JMJD1C: variants seen among roughly 807,000 people sequenced by gnomAD.
The protein encoded by JMJD1C is jumonji domain containing 1C, also known as jumonji domain-containing protein 1C.
In JMJD1C, 31 loss-of-function variants were observed where a neutral mutation model predicts 245.3. That is an observed-to-expected ratio of 0.13 (90% CI 0.09 to 0.17). JMJD1C has a LOEUF of 0.17. Ranked by LOEUF, JMJD1C falls within the 10% of genes least tolerant of loss-of-function variation. JMJD1C has a pLI of 1.00. For missense variants in JMJD1C, 2,691 were observed against 3,000.2 expected (o/e 0.90, Z 2.41); for synonymous variants, 1,057 against 1,017.4 (o/e 1.04, Z -0.74).
chr10:63,490,420 T>A (rs1564966940), intron 1 of JMJD1C, among the ~76,000 whole-genome samples: 3 of 92,316 alleles, frequency 3.2e-5, no homozygotes, highest in African/African-American at 5.8e-5. Context: ...TTTATTTATT[T>A]TATTTTTTTT....
chr10:63,309,269 G>C (rs1042196946), intron 2 of JMJD1C, among the ~76,000 whole-genome samples: 2 of 151,876 alleles, frequency 1.3e-5, no homozygotes, highest in Non-Finnish European at 2.9e-5. Context: ...AAGGAAGGTG[G>C]ATCACCTGAG....
chr10:63,231,623 G>A (rs566476460), intron 3 of JMJD1C, among the ~76,000 whole-genome samples: 2 of 152,106 alleles, frequency 1.3e-5, no homozygotes, highest in South Asian at 2.1e-4. Context: ...GTGAAACTCC[G>A]TCTCTACTAA....
chr10:63,284,407 C>G (rs1219057335), intron 2 of JMJD1C, among the ~76,000 whole-genome samples: 1 of 152,136 alleles, frequency 6.6e-6, no homozygotes, highest in Non-Finnish European at 1.5e-5. Flanking sequence ...TACTGTCATT[C>G]ATTCTGAAGA....
chr10:63,428,469 A>G (rs1472578069), intron 1 of JMJD1C, among the ~76,000 whole-genome samples: 1 of 152,248 alleles, frequency 6.6e-6, no homozygotes, highest in African/African-American at 2.4e-5. Context: ...AAAGAAATCA[A>G]CTGAATGTTT....
intron 1 of JMJD1C, among the ~76,000 whole-genome samples, chr10:63,514,641 G>T (rs1026821509): frequency 1.3e-5 from 2 of 151,982 alleles, no homozygotes; most frequent in Non-Finnish European, 2.9e-5. Flanking sequence ...AGGGAGGGAG[G>T]GGGTGGAAGG....
At chr10:63,200,380 CT>C in intron 11 of JMJD1C, 95 bp downstream of exon 11, 1 of 848,952 alleles carries the variant, frequency 1.2e-6, no homozygotes, top group Non-Finnish European at 1.9e-6. Context: ...CAAAGACTTA[CT>C]CCCCCATCCA....
Position 63,189,438 on chromosome 10 carries a change from T to C in JMJD1C, c.6300A>G (p.Lys2100=). ...GAATGTTAGGCATAGTCCGTCCACT[T>C]TTGCTACTCTATTAAGGAAAAAACA... ...PVYSMGAPSS[K]SGRTMPNILD... Residue 2100 remains lysine (K), a synonymous_variant, in exon 18 of 26, where the codon AAA becomes AAG. Transcript: ENST00000399262. The C allele has an allele frequency of 6.2e-7, 1 of 1,609,844 alleles. No individual in the cohort carries two copies. Among genetic ancestry groups the C allele is most frequent in the Non-Finnish European group, 8.5e-7 (1 of 1,178,576 alleles).
intron 2 of JMJD1C, among the ~76,000 whole-genome samples, chr10:63,309,874 G>A (rs1029161494): frequency 6.6e-5 from 10 of 151,944 alleles, no homozygotes; most frequent in South Asian, 2.1e-4. Context: ...CCAAGATCGC[G>A]CCATTGCACT....
intron 2 of JMJD1C, among the ~76,000 whole-genome samples, chr10:63,337,219 C>G (rs1360872423): frequency 6.6e-6 from 1 of 151,450 alleles, no homozygotes; most frequent in Admixed American, 6.6e-5. Flanking sequence ...CCGGCACGGG[C>G]ACCACTGAGA....
Position 63,208,065 on chromosome 10 carries a change from C to T in JMJD1C, c.3604G>A (p.Ala1202Thr). The T allele has an allele frequency of 1.2e-6, 2 of 1,614,108 alleles. No individual in the cohort carries two copies. Among genetic ancestry groups the T allele is most frequent in the Non-Finnish European group, 1.7e-6 (2 of 1,179,982 alleles). The change falls in exon 10 of 26, where the codon GCA becomes ACA. Residue 1202 changes from alanine (A) to threonine (T), a missense_variant. By Grantham distance (58) the Ala-to-Thr change is moderately conservative (BLOSUM62 0). Coordinates refer to ENST00000399262, the MANE Select transcript of JMJD1C (RefSeq NM_032776.3). ...TGAAATACTGGTGCTCTATGTAATGCAGGCATACTGCGGAGTGTATTTGTA... is the reference window on the plus strand; with the variant it reads ...TGAAATACTGGTGCTCTATGTAATGTAGGCATACTGCGGAGTGTATTTGTA... ...SSTNTLRSMP[A>T]LHRAPVFHPP...
chr10:63,206,651 A>G lies in JMJD1C; in HGVS notation c.5018T>C (p.Val1673Ala), dbSNP rs574610048. 3.7e-6 allele frequency: 6 copies of G among 1,608,748 alleles called. No individual in the cohort carries two copies. The Admixed American group carries it at 1.0e-4, about 27-fold the overall frequency. The change falls in exon 10 of 26, where the codon GTT (valine) becomes GCT (alanine). Residue 1673 changes from valine to alanine, a missense_variant. By Grantham distance (64) the Val-to-Ala change is moderately conservative. Around this residue, in one of 9 missense-constraint regions of JMJD1C, gnomAD observed 144 missense variants for 143.3 expected, o/e 1.00. Coordinates refer to ENST00000399262, the MANE Select transcript of JMJD1C (RefSeq NM_032776.3). Reference protein sequence around the residue: ...EIEEDLKPNGVLSRSAKERSK... With the variant: ...EIEEDLKPNGALSRSAKERSK... ...TCTTTCTTTGGCACTCCTGCTGAGA[A>G]CTCCATTGGGTTTCAAATCTTCTTC...
chr10:63,443,364 T>C (rs1951506557), intron 1 of JMJD1C, among the ~76,000 whole-genome samples: 1 of 152,192 alleles, frequency 6.6e-6, no homozygotes, highest in Non-Finnish European at 1.5e-5. Context: ...CACGCTGGGA[T>C]GCAGTGGCAG....
chr10:63,381,337 C>A (rs962093926), intron 1 of JMJD1C, among the ~76,000 whole-genome samples: 1 of 152,134 alleles, frequency 6.6e-6, no homozygotes, highest in Non-Finnish European at 1.5e-5. Context: ...GAGACTCTGA[C>A]TCTCACAAAA....
intron 2 of JMJD1C, among the ~76,000 whole-genome samples, chr10:63,353,422 A>G (rs530202072): frequency 6.6e-6 from 1 of 152,302 alleles, no homozygotes; most frequent in African/African-American, 2.4e-5. Flanking sequence ...ATGCTAACAG[A>G]TTTTATGCAA....
intron 2 of JMJD1C, among the ~76,000 whole-genome samples, chr10:63,298,979 C>A (rs1355499858): frequency 6.6e-6 from 1 of 152,122 alleles, no homozygotes; most frequent in Non-Finnish European, 1.5e-5. Context: ...GATCCGCCCA[C>A]CTCAGCCTCC....
At chr10:63,496,166 G>A (rs550577171) in intron 1 of JMJD1C, among the ~76,000 whole-genome samples, 1 of 151,676 alleles carries the variant, frequency 6.6e-6, no homozygotes, top group African/African-American at 2.4e-5. Context: ...TATGTAATCA[G>A]CAAAATCAAG....
intron 2 of JMJD1C, among the ~76,000 whole-genome samples, chr10:63,292,997 T>C (rs941638993): frequency 6.6e-6 from 1 of 152,134 alleles, no homozygotes; most frequent in Non-Finnish European, 1.5e-5. Context: ...TGAGCCGAGA[T>C]CATGCCACTG....
intron 2 of JMJD1C, among the ~76,000 whole-genome samples, chr10:63,320,126 G>C (rs1279588723): frequency 6.6e-6 from 1 of 152,136 alleles, no homozygotes; most frequent in East Asian, 1.9e-4. Context: ...GGCTGGTCTT[G>C]AACTCCTGGC....
rs563388276 is a variant in JMJD1C, at chr10:63,501,905, A to C, written n.113+19833T>G. 2.0e-5 allele frequency among the ~76,000 whole-genome samples: 3 copies of C among 152,336 alleles called. No homozygotes were observed. In the South Asian group the frequency reaches 6.2e-4, roughly 32 times the overall value. ...ATAATGGTCCTAAGAAAGAAAAAGA[A>C]GGCGAGAAGAAAGGAGGCAGGGACA... On this transcript the variant is annotated intron_variant and non_coding_transcript_variant, in intron 1 of 3. Transcript: ENST00000633035.
Sources: allele counts gnomAD v4.1 joint callset (sites outside exome capture counted in the v4.1 genomes callset), GRCh38; gene constraint gnomAD v4.1.1; regional missense constraint gnomAD v4.1.1; transcripts MANE v1.5; gene names NCBI Gene and HGNC (gene_info 2026-07-23, HGNC 2026-07-21).